SLC25A39: variants seen among roughly 807,000 people sequenced by gnomAD.
SLC25A39 encodes solute carrier family 25 member 39.
Under a neutral mutation model 46.6 loss-of-function variants are expected in SLC25A39, and 44 were observed. The ratio of observed to expected loss-of-function variants is 0.94; its 90% CI spans 0.74 to 1.21. SLC25A39 has a LOEUF of 1.21. Ranked by LOEUF, SLC25A39 falls within the 50% of genes most tolerant of loss-of-function variation. SLC25A39 has a pLI of 0.00. For missense variants in SLC25A39, 487 were observed against 473.0 expected (o/e 1.03, Z -0.28); for synonymous variants, 218 against 190.6 (o/e 1.14, Z -1.19).
chr17:44,320,485 A>G (rs756462816), intron 9 of SLC25A39, 49 bp from the exon 10 acceptor site: 2 of 1,605,070 alleles, frequency 1.2e-6, no homozygotes, highest in African/African-American at 1.3e-5. Flanking sequence ...CTGGACCCCC[A>G]CCCCTACCTC....
rs2143096840 is a variant in SLC25A39 at position 44,320,737 on chromosome 17, G to A, written c.692-6C>T. On this transcript the variant is annotated splice_region_variant and splice_polypyrimidine_tract_variant and intron_variant, in intron 8 of 11. Coordinates refer to ENST00000377095, the MANE Select transcript of SLC25A39 (RefSeq NM_001143780.3). ...ATAGTTGAACCAGTACAGGGCTTGG[G>A]GTGGGGGATGCACTGATTAGAGACG... 6.2e-7 allele frequency: 1 copy of A among 1,607,976 alleles called. No individual in the cohort carries two copies. The highest frequency in any genetic ancestry group is 1.1e-5 in the South Asian group (1 of 90,946).
rs200100873 is a variant in SLC25A39, at chr17:44,322,515, C to G, written c.228G>C (p.Leu76=). 6.2e-7 allele frequency: 1 copy of G among 1,614,124 alleles called. No homozygotes were observed. Among genetic ancestry groups the G allele is most frequent in the South Asian group, 1.1e-5 (1 of 91,082 alleles). The change falls in exon 5 of 12, where the codon CTG becomes CTC. Residue 76 remains leucine, a synonymous_variant. Coordinates refer to ENST00000377095, the MANE Select transcript of SLC25A39 (RefSeq NM_001143780.3). ...SSLQSTGKCL[L]YCNGVLEPLY... ...GAGGCTCCAGGACACCATTGCAATA[C>G]AGGAGGCACTTCCCTGTGGATTGGA...
intron 2 of SLC25A39, 39 bp downstream of exon 2, chr17:44,323,439 A>AGACCCCCCCCCCCCCC: frequency 1.2e-5 from 3 of 257,088 alleles, no homozygotes; most frequent in Non-Finnish European, 1.7e-5. Flanking sequence ...GGTCTGCCCC[A>AGACCCCCCCCCCCCCC]TCCCCACCCG....
chr17:44,322,869 C>G lies in SLC25A39; in HGVS notation c.146-17G>C. Reference sequence around the variant, plus strand: ...GCATCAGCTCTAAAATACAAGGCAGCCCCTCAAGTCAGGAGAGCCCCCACC... The same window carrying G: ...GCATCAGCTCTAAAATACAAGGCAGGCCCTCAAGTCAGGAGAGCCCCCACC... On this transcript the variant is annotated splice_polypyrimidine_tract_variant and intron_variant, in intron 3 of 11. Coordinates refer to ENST00000377095, the MANE Select transcript of SLC25A39 (RefSeq NM_001143780.3). The G allele has an allele frequency of 6.2e-7, 1 of 1,613,846 alleles. No individual in the cohort carries two copies. Among genetic ancestry groups the G allele is most frequent in the Non-Finnish European group, 8.5e-7 (1 of 1,179,892 alleles).
At chr17:44,320,594 G>A (rs903024515) in intron 9 of SLC25A39, 28 bp downstream of exon 9, 18 of 1,603,810 alleles carry the variant, frequency 1.1e-5, no homozygotes, top group Non-Finnish European at 1.5e-5. Context: ...GACCTCCGCT[G>A]GCCTCACCTC....
chr17:44,323,326 C>T lies in SLC25A39; in HGVS notation c.103G>A (p.Val35Met), dbSNP rs1169105740. The stretch of plus-strand genomic sequence containing the variant: ...CGCTGAGACTGCAGGCGAACCTTCA[C>T]CACGTCCAGGGGTGTCACTGGGGGA... ...TSLFMTPLDV[V>M]KVRLQSQRPS... Residue 35 changes from valine (V) to methionine (M), a missense_variant, in exon 3 of 12, where the codon GTG (valine) becomes ATG (methionine). Physicochemically the swap from Val to Met is conservative, Grantham distance 21 (BLOSUM62 1). Transcript: ENST00000377095. 1 of 1,612,534 alleles carries T rather than the reference C, an allele frequency of 6.2e-7. No homozygotes were observed. Among genetic ancestry groups the T allele is most frequent in the Non-Finnish European group, 8.5e-7 (1 of 1,179,418 alleles).
chr17:44,323,439 ATCCCC>A, intron 2 of SLC25A39, 34 bp downstream of exon 2: 5 of 257,076 alleles, frequency 1.9e-5, no homozygotes, highest in South Asian at 5.2e-5. Context: ...GGTCTGCCCC[ATCCCC>A]ACCCGCCCCC....
chr17:44,321,036 C>T lies in SLC25A39; in HGVS notation c.691+22G>A, dbSNP rs781184242. 4 of 1,565,644 alleles carry T rather than the reference C, an allele frequency of 2.6e-6. No homozygotes were observed. The East Asian group carries it at 9.0e-5, about 35-fold the overall frequency. Reference sequence around the variant, plus strand: ...ATCACCCCAGGGTTCCCTCACCCACCCCCTGCAGCTTGGGTGCCTACCTGA... The same window carrying T: ...ATCACCCCAGGGTTCCCTCACCCACTCCCTGCAGCTTGGGTGCCTACCTGA... On this transcript the variant is annotated intron_variant, in intron 8 of 11. Coordinates refer to ENST00000377095, the MANE Select transcript of SLC25A39 (RefSeq NM_001143780.3).
intron 6 of SLC25A39, 57 bp from the exon 7 acceptor site, chr17:44,321,615 C>T (rs201246508): frequency 3.5e-5 from 57 of 1,608,696 alleles, no homozygotes; most frequent in South Asian, 2.2e-5. Flanking sequence ...ACTTTTAAAG[C>T]ATCACCTGCC....
chr17:44,323,402 C>A, intron 2 of SLC25A39, 59 bp from the exon 3 acceptor site: 1 of 1,582,362 alleles, frequency 6.3e-7, no homozygotes. Flanking sequence ...GGACTCCTCC[C>A]CCAGGACCAC....
Position 44,319,770 on chromosome 17 carries a change from G to C in SLC25A39, c.*231C>G, listed in dbSNP as rs1309286266. 9.2e-6 allele frequency: 5 copies of C among 546,200 alleles called. No homozygotes were observed. Among genetic ancestry groups the C allele is most frequent in the African/African-American group, 1.9e-5 (1 of 52,754 alleles). 33.8% of individuals were successfully genotyped at this position (546,200 alleles called of 1,614,324 possible). ...GGGGGCAGCTGGAAGATTTGGTCTTGAACTTGGGGGGTGGGTAAGTGATGA... is the reference window on the plus strand; with the variant it reads ...GGGGGCAGCTGGAAGATTTGGTCTTCAACTTGGGGGGTGGGTAAGTGATGA... On this transcript the variant is annotated 3_prime_UTR_variant, in exon 12 of 12. Transcript: ENST00000377095.
rs1465445692 is a variant in SLC25A39, at chr17:44,324,772, C to G, written c.-77G>C. Reference sequence around the variant, plus strand: ...AGGGTCAGGCGGGCCCATACCGGCTCCGCCGCCTGTGCGCGGTCCGCGCGC... The same window carrying G: ...AGGGTCAGGCGGGCCCATACCGGCTGCGCCGCCTGTGCGCGGTCCGCGCGC... On this transcript the variant is annotated 5_prime_UTR_variant, in exon 1 of 12. Coordinates refer to ENST00000377095, the MANE Select transcript of SLC25A39 (RefSeq NM_001143780.3). The G allele has an allele frequency of 1.3e-5, 2 of 152,104 alleles. No individual in the cohort carries two copies. The highest frequency in any genetic ancestry group is 2.9e-5 in the Non-Finnish European group (2 of 68,048). 9.4% of individuals were successfully genotyped at this position (152,104 alleles called of 1,614,324 possible).
intron 7 of SLC25A39, 81 bp downstream of exon 7, chr17:44,321,353 G>A (rs776745509): frequency 1.2e-6 from 2 of 1,603,120 alleles, no homozygotes; most frequent in Non-Finnish European, 1.7e-6. Context: ...GCTGGCAGAG[G>A]TTGGGGCTGG....
intron 7 of SLC25A39, 45 bp downstream of exon 7, chr17:44,321,389 C>A (rs2011895): frequency 0.44 from 707,408 of 1,611,636 alleles, 169,377 homozygotes; most frequent in East Asian, 0.89. Context: ...GGGTTTGGGC[C>A]GAGGTGGGGA....
intron 4 of SLC25A39, 36 bp downstream of exon 4, chr17:44,322,772 C>T (rs936520087): frequency 6.2e-7 from 1 of 1,613,738 alleles, no homozygotes; most frequent in African/African-American, 1.3e-5. Flanking sequence ...CTCCCCCTTG[C>T]ACCCTCCCAT....
intron 9 of SLC25A39, 66 bp downstream of exon 9, chr17:44,320,556 C>T: frequency 6.3e-7 from 1 of 1,583,348 alleles, no homozygotes; most frequent in African/African-American, 1.3e-5. Context: ...CTGGGCATCT[C>T]CAAAAATCCT....
chr17:44,323,133 G>T (rs1360446973), intron 3 of SLC25A39, 151 bp downstream of exon 3: 11 of 990,044 alleles, frequency 1.1e-5, no homozygotes, highest in Non-Finnish European at 1.7e-5. Flanking sequence ...ACGTTGGCCA[G>T]GCTGGCCTTG....
At chr17:44,320,903 C>G (rs2048009840) in intron 8 of SLC25A39, 155 bp downstream of exon 8, 2 of 1,048,818 alleles carry the variant, frequency 1.9e-6, no homozygotes, top group Non-Finnish European at 2.7e-6. Context: ...GGCAAATACT[C>G]TACCTGCTAG....
intron 3 of SLC25A39, 82 bp from the exon 4 acceptor site, chr17:44,322,934 A>AT: frequency 1.4e-6 from 2 of 1,456,426 alleles, no homozygotes; most frequent in Non-Finnish European, 1.9e-6. Context: ...TTTTTATTTT[A>AT]TTTTTTGAGA....
Sources: gnomAD v4.1 joint callset for allele counts on GRCh38, gnomAD v4.1.1 for gene constraint, MANE v1.5 for transcripts, NCBI Gene and HGNC (gene_info 2026-07-23, HGNC 2026-07-21) for gene names.